The following AKR1C1 variants were observed in gnomAD, a reference collection of about 807,000 sequenced individuals.
AKR1C1 encodes 20 alpha-hydroxysteroid dehydrogenase.
In AKR1C1, 32 loss-of-function variants were observed where a neutral mutation model predicts 40.6. The ratio of observed to expected loss-of-function variants is 0.79; its 90% CI spans 0.60 to 1.06. AKR1C1 has a LOEUF of 1.06. Ranked by LOEUF, AKR1C1 falls within the 50% of genes least tolerant of loss-of-function variation. The pLI, the probability that AKR1C1 is intolerant of heterozygous loss-of-function variation, is 0.00. For synonymous variants in AKR1C1, 105 were observed against 134.2 expected (o/e 0.78, Z 1.50); for missense variants, 320 against 363.5 (o/e 0.88, Z 0.97).
chr10:4,975,081 C>T (rs1554770322), intron 7 of AKR1C1, among the ~76,000 whole-genome samples: 1 of 151,892 alleles, frequency 6.6e-6, no homozygotes, highest in African/African-American at 2.4e-5. Flanking sequence ...TAATTAATTT[C>T]ATAACTTTCT....
chr10:4,971,847 C>T (rs577310463), intron 5 of AKR1C1, among the ~76,000 whole-genome samples: 8 of 151,582 alleles, frequency 5.3e-5, no homozygotes, highest in African/African-American at 1.7e-4. Context: ...TCTTTCAGAC[C>T]TGCCCTCATG....
rs1334640841 is a variant in AKR1C1 at position 4,967,346 on chromosome 10, T to C, written c.369+303T>C. On this transcript the variant is annotated intron_variant, in intron 3 of 8. Transcript: ENST00000380872. ...TAGTTATGATTCCTGATTTCACCTC[T>C]TGGGATGTTCACAGACACAGAGTTT... 4 of 1,111,826 alleles carry C rather than the reference T, an allele frequency of 3.6e-6. No homozygotes were observed. The East Asian group carries it at 2.2e-4, about 62-fold the overall frequency. The allele number at this position is 1,111,826 out of a possible 1,614,324, so 68.9% of individuals were successfully genotyped here.
intron 6 of AKR1C1, 79 bp from the exon 7 acceptor site, chr10:4,972,488 TCCGGTGCAGAGTGGACG>T: frequency 5.6e-6 from 9 of 1,596,570 alleles, no homozygotes; most frequent in Non-Finnish European, 7.7e-6. Flanking sequence ...CTTGAGAAGC[TCCGGTGCAGAGTGGACG>T]CCTTAGTCTG....
chr10:4,971,505 T>TTTTATATA, intron 5 of AKR1C1, among the ~76,000 whole-genome samples: 1 of 108,896 alleles, frequency 9.2e-6, no homozygotes, highest in South Asian at 2.8e-4. Flanking sequence ...CATATATATA[T>TTTTATATA]TATATATATA....
rs139347782 is a variant in AKR1C1 at position 4,980,978 on chromosome 10, A to G, written c.*3236A>G. On this transcript the variant is annotated 3_prime_UTR_variant, in exon 9 of 9. Coordinates refer to ENST00000380872, the MANE Select transcript of AKR1C1 (RefSeq NM_001353.6). The stretch of plus-strand genomic sequence containing the variant: ...ACCATAAAACAAGAACATCAAAATT[A>G]CTCTATGATCCATGGGAAACAGAAT... 149 of 152,320 alleles carry G rather than the reference A, an allele frequency of 9.8e-4. No individual in the cohort carries two copies. The highest frequency in any genetic ancestry group is 3.5e-3 in the African/African-American group (146 of 41,560). 9.4% of individuals were successfully genotyped at this position (152,320 alleles called of 1,614,324 possible).
chr10:4,973,373 CAT>C (rs1160795532), intron 7 of AKR1C1, among the ~76,000 whole-genome samples: 10 of 152,158 alleles, frequency 6.6e-5, no homozygotes, highest in Non-Finnish European at 1.5e-4. Flanking sequence ...GCTGGGCTCT[CAT>C]GTGTGTTCAG....
chr10:4,977,168 G>T (rs1836538701), intron 8 of AKR1C1, among the ~76,000 whole-genome samples: 1 of 152,168 alleles, frequency 6.6e-6, no homozygotes, highest in Admixed American at 6.5e-5. Context: ...TTTATACATT[G>T]TAGCTCTTTG....
chr10:4,977,073 C>T (rs531302211), intron 8 of AKR1C1, among the ~76,000 whole-genome samples: 58 of 152,236 alleles, frequency 3.8e-4, no homozygotes, highest in African/African-American at 1.4e-3. Context: ...AGGCTCAATT[C>T]CCTAATTAAT....
intron 5 of AKR1C1, 130 bp downstream of exon 5, chr10:4,969,074 T>A: frequency 6.5e-7 from 1 of 1,545,070 alleles, no homozygotes; most frequent in Non-Finnish European, 8.7e-7. Context: ...AGACTCTGTC[T>A]CGAAGGGCAT....
At chr10:4,967,436 G>T (rs1214102765) in intron 3 of AKR1C1, 15 of 1,001,628 alleles carry the variant, frequency 1.5e-5, no homozygotes, top group Non-Finnish European at 1.8e-5. Context: ...CCATCTTCTT[G>T]CCTCTTTTTA....
intron 7 of AKR1C1, among the ~76,000 whole-genome samples, chr10:4,973,118 T>C (rs1433078428): frequency 6.6e-6 from 1 of 151,922 alleles, no homozygotes; most frequent in East Asian, 1.9e-4. Flanking sequence ...ATTCCTTATA[T>C]TTATTCTCTT....
intron 3 of AKR1C1, chr10:4,967,280 C>T: frequency 1.8e-6 from 2 of 1,100,954 alleles, no homozygotes; most frequent in Non-Finnish European, 2.3e-6. Context: ...GCCTCAAAAA[C>T]TTGAGGAAAT....
At chr10:4,971,429 T>G (rs1329080660) in intron 5 of AKR1C1, among the ~76,000 whole-genome samples, 1 of 150,676 alleles carries the variant, frequency 6.6e-6, no homozygotes, top group Non-Finnish European at 1.5e-5. Context: ...TACTACAGAC[T>G]CACGGATTCT....
At chr10:4,971,116 A>G (rs1836420047) in intron 5 of AKR1C1, among the ~76,000 whole-genome samples, 2 of 152,148 alleles carry the variant, frequency 1.3e-5, no homozygotes, top group Non-Finnish European at 2.9e-5. Flanking sequence ...TTGAGTATAC[A>G]TCAGTGATTT....
intron 7 of AKR1C1, among the ~76,000 whole-genome samples, chr10:4,973,875 T>A (rs1425150842): frequency 6.7e-6 from 1 of 148,524 alleles, no homozygotes; most frequent in African/African-American, 2.5e-5. Context: ...AATACATGCA[T>A]ATATATGTTT....
rs1428287962 is a variant in AKR1C1, at chr10:4,980,465, TAGAG to T, written c.*2727_*2730del. The T allele has an allele frequency of 2.7e-5, 4 of 145,772 alleles. No homozygotes were observed. Among genetic ancestry groups the T allele is most frequent in the Non-Finnish European group, 4.5e-5 (3 of 66,366 alleles). The allele number at this position is 145,772 out of a possible 1,614,324, so 9.0% of individuals were successfully genotyped here. ...TGTCATGGTGGGGACATGATAGCAT[TAGAG>T]AGAATTCTCTCAAACACTGTCATGG... On this transcript the variant is annotated 3_prime_UTR_variant, in exon 9 of 9. Coordinates refer to ENST00000380872, the MANE Select transcript of AKR1C1 (RefSeq NM_001353.6).
intron 5 of AKR1C1, among the ~76,000 whole-genome samples, chr10:4,971,951 G>C (rs3930965): frequency 0.32 from 43,251 of 135,690 alleles, 7,163 homozygotes; most frequent in African/African-American, 0.45. Context: ...GCCGTGTCTC[G>C]TTCTAGTGGT....
At position 4,979,689 on chromosome 10, in the gene AKR1C1, A is replaced by C. The variant is rs1189442744; in HGVS notation, c.*1947A>C. 6.6e-6 allele frequency: 1 copy of C among 152,216 alleles called. No homozygotes were observed. The highest frequency in any genetic ancestry group is 1.5e-5 in the Non-Finnish European group (1 of 68,030). 9.4% of individuals were successfully genotyped at this position (152,216 alleles called of 1,614,324 possible). A position where few individuals can be genotyped will look rare whatever the true frequency, so the allele number is the denominator to read the frequency against. ...AGTACATCTGCTATGGACTTTTTCC[A>C]GTTCTTCACCATCCATTTTTATAAA... On this transcript the variant is annotated 3_prime_UTR_variant, in exon 9 of 9. Transcript: ENST00000380872.
chr10:4,982,094 A>C lies in AKR1C1; in HGVS notation c.*4352A>C, dbSNP rs1487664805. 2 of 152,320 alleles carry C rather than the reference A, an allele frequency of 1.3e-5. No individual in the cohort carries two copies. The highest frequency in any genetic ancestry group is 2.4e-5 in the African/African-American group (1 of 41,426). The allele number at this position is 152,320 out of a possible 1,614,324, so 9.4% of individuals were successfully genotyped here. A position where few individuals can be genotyped will look rare whatever the true frequency, so the allele number is the denominator to read the frequency against. ...GCATTTGAGGTCGGGGCATGGAAAAATACTGAGGCAGTGTGTGTATGTTAT... is the reference window on the plus strand; with the variant it reads ...GCATTTGAGGTCGGGGCATGGAAAACTACTGAGGCAGTGTGTGTATGTTAT... On this transcript the variant is annotated 3_prime_UTR_variant, in exon 9 of 9. Coordinates refer to ENST00000380872, the MANE Select transcript of AKR1C1 (RefSeq NM_001353.6).
Sources: allele counts gnomAD v4.1 joint callset (sites outside exome capture counted in the v4.1 genomes callset), GRCh38; gene constraint gnomAD v4.1.1; transcripts MANE v1.5; gene names NCBI Gene and HGNC (gene_info 2026-07-23, HGNC 2026-07-21).